The following AAR2 variants were observed in gnomAD, a reference collection of about 807,000 sequenced individuals.
The protein encoded by AAR2 is AAR2 splicing factor.
Under a neutral mutation model 26.9 loss-of-function variants are expected in AAR2, and 31 were observed. That is an observed-to-expected ratio of 1.15 (90% CI 0.86 to 1.55). The LOEUF (loss-of-function observed/expected upper bound fraction) is 1.55, where lower values mean the gene tolerates loss of function less well. Among genes scored for constraint, AAR2 ranks in the 40% most tolerant of loss-of-function variants. The pLI, the probability that AAR2 is intolerant of heterozygous loss-of-function variation, is 0.00. For missense variants in AAR2, 430 were observed against 491.3 expected, an observed-to-expected ratio of 0.88 and a Z score of 1.18; for synonymous variants, 188 against 196.1, an observed-to-expected ratio of 0.96 and a Z score of 0.34.
At chr20:36,253,503 T>A (rs1004464755) in intron 3 of AAR2, among the ~76,000 whole-genome samples, 1 of 152,184 alleles carries the variant, frequency 6.6e-6, no homozygotes, top group Non-Finnish European at 1.5e-5. Context: ...ATTGGGAGGA[T>A]CCAGTTGGAT....
chr20:36,250,544 C>A (rs1280426933), intron 3 of AAR2, among the ~76,000 whole-genome samples: 1 of 152,138 alleles, frequency 6.6e-6, no homozygotes, highest in Admixed American at 6.5e-5. Context: ...ATCTTCATTT[C>A]TGAATTGTGA....
Position 36,244,761 on chromosome 20 carries a change from G to C in AAR2, c.822G>C (p.Trp274Cys). The C allele has an allele frequency of 6.2e-7, 1 of 1,614,138 alleles. No homozygotes were observed. The highest frequency in any genetic ancestry group is 8.5e-7 in the Non-Finnish European group (1 of 1,180,034). ...ATGTGTACGAGGCATTTGAGCATTG[G>C]AAGCGGCTCCTGAACCTCCTGTGCC... ...LGNVYEAFEH[W>C]KRLLNLLCRS... is the part of the protein sequence containing the mutation. The change falls in exon 3 of 4, where the codon TGG (tryptophan) becomes TGC (cysteine). Residue 274 changes from tryptophan (W) to cysteine (C), a missense_variant. Physicochemically the swap from Trp to Cys is radical, Grantham distance 215. Coordinates refer to ENST00000320849, the MANE Select transcript of AAR2 (RefSeq NM_001271874.2).
rs200537017 is a variant in AAR2, at chr20:36,250,826, TTAAC to T, written c.988-4748_988-4745del. Among the ~76,000 whole-genome samples the T allele has an allele frequency of 2.5e-3, 375 of 152,232 alleles. 1 individual carries two copies. The highest frequency in any genetic ancestry group is 8.6e-3 in the African/African-American group (358 of 41,530). On this transcript the variant is annotated intron_variant, in intron 3 of 3. Transcript: ENST00000320849. The stretch of plus-strand genomic sequence containing the variant: ...GGGGGTATATATATATTTGTCCAGA[TTAAC>T]TAAGCATTTAAAATTGATGAATTTA...
intron 3 of AAR2, among the ~76,000 whole-genome samples, chr20:36,246,733 A>G (rs2064737975): frequency 1.3e-5 from 2 of 152,254 alleles, no homozygotes; most frequent in Admixed American, 6.5e-5. Context: ...CAAAGCAGAA[A>G]GTGCCCAGCT....
At position 36,240,056 on chromosome 20, in the gene AAR2, T is replaced by A. The variant is rs374278370; in HGVS notation, c.188T>A (p.Val63Glu). The A allele has an allele frequency of 6.2e-6, 10 of 1,614,116 alleles. No homozygotes were observed. The highest frequency in any genetic ancestry group is 1.3e-5 in the African/African-American group (1 of 74,940). Reference sequence around the variant, plus strand: ...ATCCACTTCCTCCACTACAGCTCTGTGGACAAGGCTAATCCGAAGGAAGTA... The same window carrying A: ...ATCCACTTCCTCCACTACAGCTCTGAGGACAAGGCTAATCCGAAGGAAGTA... ...PGIHFLHYSS[V>E]DKANPKEVGP... The change falls in exon 2 of 4, where the codon GTG (valine) becomes GAG (glutamate). Residue 63 changes from valine (V) to glutamate (E), a missense_variant. Transcript: ENST00000320849.
At chr20:36,249,509 G>A (rs2064765048) in intron 3 of AAR2, among the ~76,000 whole-genome samples, 2 of 152,078 alleles carry the variant, frequency 1.3e-5, no homozygotes, top group Admixed American at 6.5e-5. Flanking sequence ...AACTTCCTTT[G>A]TTGCTAGTAT....
At chr20:36,240,696 A>C (rs2064672178) in intron 2 of AAR2, 71 bp downstream of exon 2, 1 of 1,520,894 alleles carries the variant, frequency 6.6e-7, no homozygotes, top group African/African-American at 1.4e-5. Flanking sequence ...TGGAATAGGG[A>C]GTACATCTTG....
intron 2 of AAR2, among the ~76,000 whole-genome samples, chr20:36,241,131 T>C (rs1027118540): frequency 6.6e-6 from 1 of 152,140 alleles, no homozygotes; most frequent in African/African-American, 2.4e-5. Flanking sequence ...AAATGATAGA[T>C]AATAATCATA....
At chr20:36,247,552 T>G (rs1569427806) in intron 3 of AAR2, among the ~76,000 whole-genome samples, 1 of 150,568 alleles carries the variant, frequency 6.6e-6, no homozygotes, top group Non-Finnish European at 1.5e-5. Context: ...TGCTGTTTCA[T>G]GCTTTTTAAA....
intron 2 of AAR2, among the ~76,000 whole-genome samples, chr20:36,241,236 A>C (rs923920185): frequency 6.6e-6 from 1 of 152,104 alleles, no homozygotes; most frequent in African/African-American, 2.4e-5. Flanking sequence ...GTGTATTTCT[A>C]TGTATTTCAT....
rs1427297599 is a variant in AAR2 at position 36,240,138 on chromosome 20, C to T, written c.270C>T (p.Arg90=). 1 of 1,614,218 alleles carries T rather than the reference C, an allele frequency of 6.2e-7. No homozygotes were observed. The highest frequency in any genetic ancestry group is 2.2e-5 in the East Asian group (1 of 44,874). The change falls in exon 2 of 4, where the codon CGC becomes CGT. Residue 90 remains arginine, a synonymous_variant. Coordinates refer to ENST00000320849, the MANE Select transcript of AAR2 (RefSeq NM_001271874.2). ...SLHQRGLTVL[R]WSTLREEVDL... Reference sequence around the variant, plus strand: ...ACCAGCGGGGGCTGACAGTGCTGCGCTGGAGCACACTCAGGGAAGAGGTAG... The same window carrying T: ...ACCAGCGGGGGCTGACAGTGCTGCGTTGGAGCACACTCAGGGAAGAGGTAG...
chr20:36,253,132 G>C (rs2064793731), intron 3 of AAR2, among the ~76,000 whole-genome samples: 1 of 148,550 alleles, frequency 6.7e-6, no homozygotes, highest in African/African-American at 2.5e-5. Context: ...AATGGCTCCA[G>C]ACAAAGACCA....
At chr20:36,245,675 C>G (rs771002395) in intron 3 of AAR2, among the ~76,000 whole-genome samples, 7 of 152,220 alleles carry the variant, frequency 4.6e-5, no homozygotes, top group African/African-American at 1.7e-4. Context: ...TATAAGGCAG[C>G]CTTTCACCAA....
chr20:36,239,946 G>A lies in AAR2; in HGVS notation c.78G>A (p.Met26Ile). ...GGGCCACTGTGGTCATCCTGAACAT[G>A]CCCAAGGGAACAGAGTTTGGGATTG... is the stretch of plus-strand genomic sequence containing the variant. Reference protein sequence around the residue: ...FEGATVVILNMPKGTEFGIDY... With the variant: ...FEGATVVILNIPKGTEFGIDY... Residue 26 changes from methionine (M) to isoleucine (I), a missense_variant, in exon 2 of 4, where the codon ATG (methionine) becomes ATA (isoleucine). Transcript: ENST00000320849. The A allele has an allele frequency of 6.2e-7, 1 of 1,614,120 alleles. No homozygotes were observed. The highest frequency in any genetic ancestry group is 1.1e-5 in the South Asian group (1 of 91,064).
intron 3 of AAR2, among the ~76,000 whole-genome samples, chr20:36,254,171 C>A (rs1411286717): frequency 6.6e-6 from 1 of 152,058 alleles, no homozygotes; most frequent in Non-Finnish European, 1.5e-5. Context: ...TTCACGATAG[C>A]CAGAAGGTAA....
At chr20:36,245,618 G>A (rs1173306794) in intron 3 of AAR2, among the ~76,000 whole-genome samples, 1 of 152,138 alleles carries the variant, frequency 6.6e-6, no homozygotes, top group Non-Finnish European at 1.5e-5. Flanking sequence ...CCTCCCATGA[G>A]CTTCTTTCTT....
At chr20:36,243,331 T>C (rs1281543641) in intron 2 of AAR2, among the ~76,000 whole-genome samples, 1 of 152,220 alleles carries the variant, frequency 6.6e-6, no homozygotes, top group African/African-American at 2.4e-5. Context: ...CAAAGAAAAT[T>C]TGACTATATT....
chr20:36,244,617 A>G, intron 2 of AAR2, 80 bp from the exon 3 acceptor site: 1 of 1,369,838 alleles, frequency 7.3e-7, no homozygotes. Context: ...AGTGGAATTC[A>G]TGGCCTTGTG....
rs34390439 is a variant in AAR2 at position 36,240,328 on chromosome 20, C to G, written c.460C>G (p.Gln154Glu). The G allele has an allele frequency of 8.7e-5, 140 of 1,614,254 alleles. 1 individual carries two copies. The Middle Eastern group carries it at 1.6e-3, about 19-fold the overall frequency. Residue 154 changes from glutamine to glutamate, a missense_variant, in exon 2 of 4, where the codon CAG becomes GAG. Transcript: ENST00000320849. Reference sequence around the variant, plus strand: ...GGAGAAGCTACAGCCCGAGAATCGACAGATCTGTGCCTTTTCCGATGTGCT... The same window carrying G: ...GGAGAAGCTACAGCCCGAGAATCGAGAGATCTGTGCCTTTTCCGATGTGCT... ...TVEKLQPENR[Q>E]ICAFSDVLPV... is the part of the protein sequence containing the mutation.
Sources: gnomAD v4.1 joint callset for allele counts (sites outside exome capture counted in the v4.1 genomes callset) on GRCh38, gnomAD v4.1.1 for gene constraint, MANE v1.5 for transcripts, NCBI Gene and HGNC (gene_info 2026-07-23, HGNC 2026-07-21) for gene names.